HIRA: variants seen among roughly 807,000 people sequenced by gnomAD.
HIRA encodes the protein histone cell cycle regulator, also known as protein HIRA.
A neutral mutation model predicts 126.6 loss-of-function variants in HIRA; 13 were observed. The ratio of observed to expected loss-of-function variants is 0.10; its 90% confidence interval spans 0.07 to 0.16. The LOEUF (loss-of-function observed/expected upper bound fraction) is 0.16, where lower values mean the gene tolerates loss of function less well. Ranked by LOEUF, HIRA falls within the 10% of genes least tolerant of loss-of-function variation. The pLI is 1.00. For synonymous variants in HIRA, 511 were observed against 520.0 expected, an observed-to-expected ratio of 0.98 and a Z score of 0.24; for missense variants, 834 against 1,314.4, an observed-to-expected ratio of 0.63 and a Z score of 5.65.
chr22:19,430,294 C>T (rs138085059), intron 1 of HIRA: 3 of 152,054 alleles, frequency 2.0e-5, no homozygotes, highest in Non-Finnish European at 2.9e-5. Context: ...AAAAGAAACA[C>T]GTGAACCTAG....
chr22:19,336,880 A>G (rs996273608), intron 24 of HIRA, among the ~76,000 whole-genome samples: 7 of 152,186 alleles, frequency 4.6e-5, no homozygotes, highest in Non-Finnish European at 1.5e-5. Flanking sequence ...GGACAAAATA[A>G]TCTCAACAGC....
intron 1 of HIRA, among the ~76,000 whole-genome samples, chr22:19,427,627 T>C (rs1569316501): frequency 6.6e-6 from 1 of 152,220 alleles, no homozygotes; most frequent in Non-Finnish European, 1.5e-5. Flanking sequence ...AAATCCCTTT[T>C]CATAACACTG....
chr22:19,334,202 C>T (rs1041119129), intron 24 of HIRA, among the ~76,000 whole-genome samples: 2 of 151,494 alleles, frequency 1.3e-5, no homozygotes, highest in African/African-American at 2.4e-5. Context: ...GTCTCGATCT[C>T]CTGACCTTGT....
At chr22:19,371,465 T>C (rs2088964334) in intron 15 of HIRA, among the ~76,000 whole-genome samples, 1 of 152,238 alleles carries the variant, frequency 6.6e-6, no homozygotes, top group Non-Finnish European at 1.5e-5. Context: ...TATTATTCTT[T>C]TAATTTTTAT....
At chr22:19,345,744 G>T (rs967933672) in intron 24 of HIRA, among the ~76,000 whole-genome samples, 10 of 152,210 alleles carry the variant, frequency 6.6e-5, no homozygotes, top group Admixed American at 6.5e-5. Context: ...TTACACTGAA[G>T]ACCACAGCAA....
chr22:19,337,920 T>C (rs1482924767), intron 24 of HIRA, among the ~76,000 whole-genome samples: 1 of 152,100 alleles, frequency 6.6e-6, no homozygotes, highest in East Asian at 1.9e-4. Context: ...GCCTCCCAAG[T>C]AGCTGGGACT....
chr22:19,418,615 G>A (rs1372773074), intron 1 of HIRA, among the ~76,000 whole-genome samples: 2 of 151,966 alleles, frequency 1.3e-5, no homozygotes, highest in Non-Finnish European at 2.9e-5. Context: ...GCAACAGAGC[G>A]AGACTCTGTC....
chr22:19,347,318 C>A lies in HIRA; in HGVS notation c.2937+4040G>T, dbSNP rs569575169. 2.6e-5 allele frequency among the ~76,000 whole-genome samples: 4 copies of A among 152,302 alleles called. No homozygotes were observed. In the South Asian group the frequency reaches 8.3e-4, roughly 32 times the overall value. On this transcript the variant is annotated intron_variant, in intron 24 of 24. Transcript: ENST00000263208. The stretch of plus-strand genomic sequence containing the variant: ...AGGGTAAAATGTCCTCAAGTAAAGA[C>A]CGCAATGAACAAATCAAAGATTGAA...
chr22:19,344,772 A>C (rs1248409174), intron 24 of HIRA, among the ~76,000 whole-genome samples: 1 of 152,210 alleles, frequency 6.6e-6, no homozygotes, highest in Non-Finnish European at 1.5e-5. Flanking sequence ...ACATTAAAAG[A>C]ATTATACACC....
chr22:19,356,161 GC>G, intron 20 of HIRA, 68 bp downstream of exon 20: 1 of 1,417,682 alleles, frequency 7.1e-7, no homozygotes, highest in East Asian at 2.3e-5. Flanking sequence ...TCTGAGCGGG[GC>G]CCTTCTGCAG....
At chr22:19,381,987 C>T (rs1390619413) in intron 13 of HIRA, among the ~76,000 whole-genome samples, 4 of 152,214 alleles carry the variant, frequency 2.6e-5, no homozygotes, top group Admixed American at 6.5e-5. Flanking sequence ...AAAAACCATC[C>T]ACTTTCTGTG....
rs2089190097 is a variant in HIRA at position 19,392,361 on chromosome 22, A to G, written c.823-147T>C. 5.6e-6 allele frequency: 3 copies of G among 537,528 alleles called. No homozygotes were observed. In the South Asian group the frequency reaches 7.7e-5, roughly 14 times the overall value. The allele number at this position is 537,528 out of a possible 1,614,324, so 33.3% of individuals were successfully genotyped here. A position where few individuals can be genotyped will look rare whatever the true frequency, so the allele number is the denominator to read the frequency against. ...ATGCATTTCATCTTCCCGACCACCTATGAGGCATCTGGCTGATGATGGAAA... is the reference window on the plus strand; with the variant it reads ...ATGCATTTCATCTTCCCGACCACCTGTGAGGCATCTGGCTGATGATGGAAA... On this transcript the variant is annotated intron_variant, in intron 8 of 24. Coordinates refer to ENST00000263208, the MANE Select transcript of HIRA (RefSeq NM_003325.4).
chr22:19,368,651 G>A (rs1267354495), intron 15 of HIRA, among the ~76,000 whole-genome samples: 1 of 152,144 alleles, frequency 6.6e-6, no homozygotes, highest in Non-Finnish European at 1.5e-5. Context: ...TGATCTGAAA[G>A]GGTTTCATGT....
rs782636103 is a variant in HIRA, at chr22:19,331,429, G to A, written c.*11C>T. 1.2e-6 allele frequency: 2 copies of A among 1,613,848 alleles called. No individual in the cohort carries two copies. Among genetic ancestry groups the A allele is most frequent in the Non-Finnish European group, 1.7e-6 (2 of 1,179,988 alleles). On this transcript the variant is annotated 3_prime_UTR_variant, in exon 25 of 25. Coordinates refer to ENST00000263208, the MANE Select transcript of HIRA (RefSeq NM_003325.4). The stretch of plus-strand genomic sequence containing the variant: ...CCTGCCCTTGCTGCAGCCAGGGCAG[G>A]CTGGGGCAGGCTACTTGTCCCTCAG...
rs542218345 is a variant in HIRA, at chr22:19,353,386, G to A, written c.2818C>T (p.Leu940Phe). 2.2e-5 allele frequency: 35 copies of A among 1,612,986 alleles called. 1 individual carries two copies. In the Admixed American group the frequency reaches 5.2e-4, roughly 24 times the overall value. The change falls in exon 23 of 25, where the codon CTC becomes TTC. Residue 940 changes from leucine to phenylalanine, a missense_variant. Leu to Phe is a conservative substitution (Grantham distance 22). Transcript: ENST00000263208. ...QSSHEYRHWL[L>F]VYARYLVNEG... is the part of the protein sequence containing the mutation. ...TTTACGAGGTACCGTGCGTAGACGA[G>A]GAGCCAATGGCGGTACTCGTGGCTG...
chr22:19,348,460 A>T (rs2088713457), intron 24 of HIRA, among the ~76,000 whole-genome samples: 1 of 152,096 alleles, frequency 6.6e-6, no homozygotes, highest in Non-Finnish European at 1.5e-5. Flanking sequence ...TAAATTAAAA[A>T]TCTGGTGAAG....
intron 4 of HIRA, among the ~76,000 whole-genome samples, chr22:19,406,669 G>A (rs2089310518): frequency 6.6e-6 from 1 of 152,216 alleles, no homozygotes; most frequent in South Asian, 2.1e-4. Flanking sequence ...GAGCAATGGT[G>A]CAGGGTCTGG....
chr22:19,348,762 T>A (rs2088719362), intron 24 of HIRA, among the ~76,000 whole-genome samples: 1 of 152,122 alleles, frequency 6.6e-6, no homozygotes, highest in Admixed American at 6.5e-5. Context: ...CCCAAAGTGC[T>A]GGAATTACAG....
chr22:19,416,486 C>T (rs1244164433), intron 1 of HIRA, among the ~76,000 whole-genome samples: 4 of 152,046 alleles, frequency 2.6e-5, no homozygotes, highest in Admixed American at 1.3e-4. Context: ...ACGCCTGGTG[C>T]GCACCACCAC....
Sources: allele counts gnomAD v4.1 joint callset (sites outside exome capture counted in the v4.1 genomes callset), GRCh38; gene constraint gnomAD v4.1.1; transcripts MANE v1.5; gene names NCBI Gene and HGNC (gene_info 2026-07-23, HGNC 2026-07-21).